BCL2L13: variants seen among roughly 807,000 people sequenced by gnomAD.
BCL2L13 encodes bcl-2-like protein 13.
Under a neutral mutation model 25.8 loss-of-function variants are expected in BCL2L13, and 13 were observed. That is an observed-to-expected ratio of 0.50 (90% CI 0.33 to 0.80). The LOEUF (loss-of-function observed/expected upper bound fraction) is 0.80, where lower values mean the gene tolerates loss of function less well. Ranked by LOEUF, BCL2L13 falls within the 30% of genes least tolerant of loss-of-function variation. The pLI is 0.02. For missense variants in BCL2L13, 504 were observed against 574.9 expected, an observed-to-expected ratio of 0.88 and a Z score of 1.26; for synonymous variants, 244 against 230.3, an observed-to-expected ratio of 1.06 and a Z score of -0.54.
Position 17,674,210 on chromosome 22 carries a change from T to C in BCL2L13, c.122-9004T>C, listed in dbSNP as rs527356237. On this transcript the variant is annotated intron_variant, in intron 2 of 6. Coordinates refer to ENST00000317582, the MANE Select transcript of BCL2L13 (RefSeq NM_015367.4). ...AGACATTTTGAAGTAGAGAGTTACA[T>C]TGGTTTTTCAAGGATAGACAGAATT... is the stretch of plus-strand genomic sequence containing the variant. Among the ~76,000 whole-genome samples, 8 of 152,306 alleles carry C rather than the reference T, an allele frequency of 5.3e-5. No homozygotes were observed. In the South Asian group the frequency reaches 1.7e-3, roughly 32 times the overall value.
At chr22:17,725,748 T>G (rs1300825845) in intron 6 of BCL2L13, among the ~76,000 whole-genome samples, 1 of 151,922 alleles carries the variant, frequency 6.6e-6, no homozygotes, top group East Asian at 1.9e-4. Flanking sequence ...GGATCAGAAG[T>G]GTTTTGGATT....
At position 17,655,827 on chromosome 22, in the gene BCL2L13, C is replaced by T. The variant is rs771763862; in HGVS notation, c.116C>T (p.Pro39Leu). The T allele has an allele frequency of 1.2e-6, 2 of 1,612,062 alleles. No homozygotes were observed. Among genetic ancestry groups the T allele is most frequent in the South Asian group, 2.2e-5 (2 of 90,612 alleles). ...CTGCAAGAGCAACATCTTTCCTCAC[C>T]CCAAGGTATTATCTTTGGCTTATGG... The part of the protein sequence containing the change: ...EKLQEQHLSS[P>L]QGVQLDIASQ... The change falls in exon 2 of 7, where the codon CCC becomes CTC. Residue 39 changes from proline to leucine, a missense_variant. Coordinates refer to ENST00000317582, the MANE Select transcript of BCL2L13 (RefSeq NM_015367.4).
chr22:17,648,120 C>CAA (rs547174034), intron 1 of BCL2L13, among the ~76,000 whole-genome samples: 2 of 114,464 alleles, frequency 1.7e-5, no homozygotes, highest in African/African-American at 6.5e-5. Flanking sequence ...GACTCTGTCT[C>CAA]AAAAAAAAAA....
chr22:17,664,587 C>T (rs2059178008), intron 2 of BCL2L13, among the ~76,000 whole-genome samples: 1 of 152,216 alleles, frequency 6.6e-6, no homozygotes, highest in Non-Finnish European at 1.5e-5. Context: ...GTTCCCACCC[C>T]ACATTTCCCT....
upstream of BCL2L13, chr22:17,638,543 C>T (rs890835988): frequency 1.7e-6 from 1 of 597,930 alleles, no homozygotes; most frequent in Non-Finnish European, 2.4e-6. Flanking sequence ...CCCAACCCCT[C>T]GACTCCGGAA....
rs2061350106 is a variant in BCL2L13 at position 17,728,446 on chromosome 22, CCTT to C, written c.*915_*917del. The C allele has an allele frequency of 6.6e-6, 1 of 152,210 alleles. No individual in the cohort carries two copies. Among genetic ancestry groups the C allele is most frequent in the Non-Finnish European group, 1.5e-5 (1 of 68,054 alleles). 9.4% of individuals were successfully genotyped at this position (152,210 alleles called of 1,614,324 possible). ...CAAGGCAGGAGGATAACCTGGATGA[CCTT>C]CTGAGGTCTCTTCAGCCCTTTTCGC... On this transcript the variant is annotated 3_prime_UTR_variant, in exon 7 of 7. Transcript: ENST00000317582.
At chr22:17,635,819 T>C (rs572384877), upstream of BCL2L13, among the ~76,000 whole-genome samples, 7 of 151,958 alleles carry the variant, frequency 4.6e-5, no homozygotes, top group East Asian at 2.0e-4. Context: ...AAGTGATTCT[T>C]CTGCCTCAGC....
At chr22:17,637,631 G>C (rs2058134973), upstream of BCL2L13, among the ~76,000 whole-genome samples, 3 of 151,830 alleles carry the variant, frequency 2.0e-5, no homozygotes, top group South Asian at 4.2e-4. Flanking sequence ...GCCCACCTTG[G>C]CTTCTCAAAG....
chr22:17,642,846 C>T (rs1288514922), intron 1 of BCL2L13, among the ~76,000 whole-genome samples: 1 of 152,102 alleles, frequency 6.6e-6, no homozygotes, highest in Admixed American at 6.6e-5. Context: ...ATCCTCTTGC[C>T]TCTGCCTCCC....
At chr22:17,662,204 C>T (rs775442706) in intron 2 of BCL2L13, among the ~76,000 whole-genome samples, 3 of 151,706 alleles carry the variant, frequency 2.0e-5, no homozygotes, top group Non-Finnish European at 2.9e-5. Context: ...AGGGGCTGCG[C>T]GTGGTGGCTC....
chr22:17,693,085 A>G (rs913972232), intron 4 of BCL2L13, among the ~76,000 whole-genome samples: 4 of 152,042 alleles, frequency 2.6e-5, no homozygotes, highest in Non-Finnish European at 4.4e-5. Context: ...TTGATACCAG[A>G]TCTGAGTGTG....
intron 5 of BCL2L13, among the ~76,000 whole-genome samples, chr22:17,699,997 A>G (rs2060383534): frequency 6.6e-6 from 1 of 152,140 alleles, no homozygotes; most frequent in Non-Finnish European, 1.5e-5. Flanking sequence ...GGTATATGGT[A>G]GTCATTTAAT....
intron 2 of BCL2L13, among the ~76,000 whole-genome samples, chr22:17,673,199 A>G (rs2059468168): frequency 1.3e-5 from 2 of 152,162 alleles, no homozygotes; most frequent in Admixed American, 6.6e-5. Context: ...TCTCATAAGT[A>G]TGCAAGTAAT....
intron 2 of BCL2L13, among the ~76,000 whole-genome samples, chr22:17,669,260 C>T (rs1439318634): frequency 2.0e-5 from 3 of 152,056 alleles, no homozygotes; most frequent in Non-Finnish European, 4.4e-5. Flanking sequence ...TCTCAATCTC[C>T]TGACCTCGTG....
intron 4 of BCL2L13, among the ~76,000 whole-genome samples, chr22:17,691,502 C>T (rs1354068917): frequency 1.3e-5 from 2 of 152,034 alleles, no homozygotes. Flanking sequence ...AAAAATTAGC[C>T]CAGCATGGTG....
At chr22:17,652,195 CA>C (rs977888175) in intron 1 of BCL2L13, among the ~76,000 whole-genome samples, 2 of 151,966 alleles carry the variant, frequency 1.3e-5, no homozygotes, top group Non-Finnish European at 1.5e-5. Flanking sequence ...ACACATTAAG[CA>C]AAAAATTTTT....
chr22:17,652,195 C>CA (rs977888175), intron 1 of BCL2L13, among the ~76,000 whole-genome samples: 12 of 152,084 alleles, frequency 7.9e-5, no homozygotes, highest in East Asian at 7.7e-4. Context: ...ACACATTAAG[C>CA]AAAAAATTTT....
chr22:17,662,634 T>C (rs949766218), intron 2 of BCL2L13, among the ~76,000 whole-genome samples: 1 of 151,894 alleles, frequency 6.6e-6, no homozygotes, highest in African/African-American at 2.4e-5. Flanking sequence ...CCAGCCTACA[T>C]GGCGAAACCC....
intron 1 of BCL2L13, among the ~76,000 whole-genome samples, chr22:17,648,666 A>C (rs1256946490): frequency 6.6e-6 from 1 of 152,168 alleles, no homozygotes; most frequent in Non-Finnish European, 1.5e-5. Context: ...GAATAAATAT[A>C]ATCCTTCACC....
Sources: allele counts gnomAD v4.1 joint callset (sites outside exome capture counted in the v4.1 genomes callset), GRCh38; gene constraint gnomAD v4.1.1; transcripts MANE v1.5; gene names NCBI Gene and HGNC (gene_info 2026-07-23, HGNC 2026-07-21).